Variants in CWF19L2 observed in about 807,000 individuals in gnomAD.
CWF19L2 encodes CWF19 like cell cycle control factor 2.
In CWF19L2, 98 loss-of-function variants were observed where a neutral mutation model predicts 111.7. The observed-to-expected ratio is 0.88, with a 90% CI of 0.75 to 1.04. The LOEUF (loss-of-function observed/expected upper bound fraction) is 1.04. CWF19L2 is among the 50% of genes least tolerant of loss of function. The probability of loss-of-function intolerance (pLI) is 0.00; values close to 1 mark genes in which losing one functional copy is unlikely to be tolerated. For missense variants in CWF19L2, 1,101 were observed against 1,051.4 expected (o/e 1.05, Z -0.65); for synonymous variants, 351 against 342.9 (o/e 1.02, Z -0.26).
chr11:107,428,766 C>T, intron 8 of CWF19L2, 33 bp downstream of exon 8: 1 of 1,513,990 alleles, frequency 6.6e-7, no homozygotes, highest in Non-Finnish European at 9.0e-7. Context: ...CTCTCTGGAT[C>T]TTAACTTATT....
intron 12 of CWF19L2, among the ~76,000 whole-genome samples, chr11:107,387,042 G>C (rs1448009004): frequency 1.3e-5 from 2 of 149,372 alleles, no homozygotes; most frequent in Admixed American, 6.7e-5. Flanking sequence ...GACAGAGCGA[G>C]ACCCCGTCTC....
At chr11:107,381,755 C>T (rs1224200202) in intron 12 of CWF19L2, among the ~76,000 whole-genome samples, 2 of 152,048 alleles carry the variant, frequency 1.3e-5, no homozygotes, top group East Asian at 3.9e-4. Flanking sequence ...TAGAGGATTT[C>T]AAGTGTATAT....
intron 12 of CWF19L2, among the ~76,000 whole-genome samples, chr11:107,356,721 T>C (rs1358559858): frequency 3.9e-5 from 6 of 152,164 alleles, no homozygotes; most frequent in Non-Finnish European, 4.4e-5. Flanking sequence ...CACAGAAATT[T>C]TTATTTTCAC....
chr11:107,454,210 G>T (rs767166746), intron 3 of CWF19L2, among the ~76,000 whole-genome samples: 2 of 152,234 alleles, frequency 1.3e-5, no homozygotes, highest in African/African-American at 4.8e-5. Context: ...GCAAGATCCA[G>T]TGCTGTGCTT....
At chr11:107,390,042 A>C in intron 12 of CWF19L2, 32 bp downstream of exon 12, 3 of 1,598,116 alleles carry the variant, frequency 1.9e-6, no homozygotes, top group Non-Finnish European at 2.6e-6. Context: ...CAGCTTCTCA[A>C]AATTCAGAGG....
chr11:107,393,801 T>G lies in CWF19L2; in HGVS notation c.1618-906A>C, dbSNP rs1295222488. On this transcript the variant is annotated intron_variant, in intron 10 of 17. Coordinates refer to ENST00000282251, the MANE Select transcript of CWF19L2 (RefSeq NM_152434.3). ...TCAGGAAATCAAATACTGCATGTTC[T>G]CACTTAACAGTGGGAACTAAACAAT... Among the ~76,000 whole-genome samples, 5 of 152,260 alleles carry G rather than the reference T, an allele frequency of 3.3e-5. No individual in the cohort carries two copies. In the East Asian group the frequency reaches 9.6e-4, roughly 29 times the overall value.
intron 8 of CWF19L2, among the ~76,000 whole-genome samples, chr11:107,427,031 A>C (rs1861387966): frequency 6.6e-6 from 1 of 152,072 alleles, no homozygotes; most frequent in Non-Finnish European, 1.5e-5. Flanking sequence ...ATGTTCTAAA[A>C]AATAATACTG....
chr11:107,433,535 T>A (rs930375139), intron 7 of CWF19L2, 99 bp downstream of exon 7: 22 of 400,960 alleles, frequency 5.5e-5, no homozygotes, highest in African/African-American at 4.6e-4. Flanking sequence ...AGACATGAAA[T>A]ATTAATTCAA....
chr11:107,349,075 G>C, intron 13 of CWF19L2, 22 bp from the exon 14 acceptor site: 2 of 1,266,256 alleles, frequency 1.6e-6, no homozygotes, highest in Non-Finnish European at 2.3e-6. Context: ...AAATACAAAA[G>C]GTGAAATGTT....
chr11:107,431,078 T>C (rs1039439549), intron 7 of CWF19L2, among the ~76,000 whole-genome samples: 1 of 151,940 alleles, frequency 6.6e-6, no homozygotes, highest in Non-Finnish European at 1.5e-5. Flanking sequence ...TTAAACATGA[T>C]ACTCTTAATC....
In CWF19L2 at chr11:107,375,647, T is replaced by C. The variant is rs946537362; in HGVS notation, c.1872+14427A>G. ...GTGTGTAGAGGGAAATTTATAGCAC[T>C]AAATGCCCACAAGAGAAAGCAGGAA... On this transcript the variant is annotated intron_variant, in intron 12 of 17. Transcript: ENST00000282251. Among the ~76,000 whole-genome samples, 16 of 130,398 alleles carry C rather than the reference T, an allele frequency of 1.2e-4. 2 individuals carry two copies. The South Asian group carries it at 2.4e-3, about 20-fold the overall frequency. The allele number at this position is 130,398 out of a possible 152,430, so 85.5% of individuals were successfully genotyped here.
chr11:107,425,180 ACAC>A (rs1861357024), intron 8 of CWF19L2, among the ~76,000 whole-genome samples: 1 of 27,388 alleles, frequency 3.7e-5, no homozygotes, highest in Admixed American at 3.4e-4. Flanking sequence ...TCTCTTTGAA[ACAC>A]ACACACACAC....
chr11:107,414,166 G>A (rs1861194263), intron 10 of CWF19L2, among the ~76,000 whole-genome samples: 1 of 151,940 alleles, frequency 6.6e-6, no homozygotes, highest in Non-Finnish European at 1.5e-5. Context: ...GGAAAGGGGA[G>A]GATTTTGTTT....
At chr11:107,456,878 C>A (rs1861863301) in intron 1 of CWF19L2, among the ~76,000 whole-genome samples, 1 of 152,186 alleles carries the variant, frequency 6.6e-6, no homozygotes, top group Non-Finnish European at 1.5e-5. Context: ...GCTTCACCCT[C>A]AAATTATTTG....
At chr11:107,405,533 C>T (rs1409100742) in intron 10 of CWF19L2, among the ~76,000 whole-genome samples, 1 of 150,426 alleles carries the variant, frequency 6.6e-6, no homozygotes, top group Non-Finnish European at 1.5e-5. Flanking sequence ...TGCTTGACTT[C>T]CATTTCAGGC....
At chr11:107,409,300 T>C (rs1424713693) in intron 10 of CWF19L2, among the ~76,000 whole-genome samples, 1 of 152,048 alleles carries the variant, frequency 6.6e-6, no homozygotes, top group African/African-American at 2.4e-5. Flanking sequence ...AAATGATGAA[T>C]GTATCTGTTT....
At chr11:107,337,184 C>T (rs936138805) in intron 14 of CWF19L2, among the ~76,000 whole-genome samples, 1 of 152,184 alleles carries the variant, frequency 6.6e-6, no homozygotes, top group East Asian at 1.9e-4. Context: ...TGTCTGCTGA[C>T]CCATCACTAA....
chr11:107,332,079 T>C (rs1486429553), intron 16 of CWF19L2, among the ~76,000 whole-genome samples: 2 of 152,222 alleles, frequency 1.3e-5, no homozygotes. Context: ...TTATTCCAGA[T>C]GTTACTCCTG....
At chr11:107,391,927 T>A (rs1406126727) in intron 11 of CWF19L2, among the ~76,000 whole-genome samples, 1 of 152,166 alleles carries the variant, frequency 6.6e-6, no homozygotes, top group Non-Finnish European at 1.5e-5. Flanking sequence ...ATACCTAGAT[T>A]GCTCAGTAAT....
Sources: allele counts gnomAD v4.1 joint callset (sites outside exome capture counted in the v4.1 genomes callset), GRCh38; gene constraint gnomAD v4.1.1; transcripts MANE v1.5; gene names NCBI Gene and HGNC (gene_info 2026-07-23, HGNC 2026-07-21).